SAMD12: variants seen among roughly 807,000 people sequenced by gnomAD.
The protein encoded by SAMD12 is sterile alpha motif domain containing 12, also known as sterile alpha motif domain-containing protein 12.
In SAMD12, 9 loss-of-function variants were observed where a neutral mutation model predicts 15.0. The observed-to-expected ratio is 0.60, with a 90% confidence interval of 0.36 to 1.05. SAMD12 has a LOEUF of 1.05. SAMD12 is among the 50% of genes least tolerant of loss of function. The pLI is 0.01. For missense variants in SAMD12, 230 were observed against 234.2 expected (o/e 0.98, Z 0.12); for synonymous variants, 86 against 90.1 (o/e 0.96, Z 0.25).
At chr8:118,316,431 G>A (rs1815907559) in intron 4 of SAMD12, among the ~76,000 whole-genome samples, 5 of 151,506 alleles carry the variant, frequency 3.3e-5, no homozygotes, top group Admixed American at 2.6e-4. Context: ...AGCTACTTGG[G>A]AGGCTGAGGC....
At chr8:118,391,001 T>C (rs1034003696) in intron 3 of SAMD12, among the ~76,000 whole-genome samples, 3 of 152,340 alleles carry the variant, frequency 2.0e-5, no homozygotes, top group Admixed American at 6.5e-5. Flanking sequence ...ACAGTGCTTT[T>C]CAAACAGAAA....
intron 2 of SAMD12, among the ~76,000 whole-genome samples, chr8:118,526,445 G>A (rs1825539791): frequency 6.6e-6 from 1 of 152,020 alleles, no homozygotes; most frequent in East Asian, 1.9e-4. Context: ...TTCTGCTTTG[G>A]TAGCTCTGGG....
intron 1 of SAMD12, among the ~76,000 whole-genome samples, chr8:118,614,583 A>G (rs1301310766): frequency 6.6e-6 from 1 of 152,196 alleles, no homozygotes; most frequent in Non-Finnish European, 1.5e-5. Flanking sequence ...CCCATAGCCA[A>G]TCCACAAACA....
At chr8:118,417,089 T>C (rs549907174) in intron 3 of SAMD12, among the ~76,000 whole-genome samples, 1 of 152,094 alleles carries the variant, frequency 6.6e-6, no homozygotes, top group South Asian at 2.1e-4. Flanking sequence ...TTTTGTTTTT[T>C]GTTTTTTGGT....
chr8:118,385,675 C>T (rs1359220942), intron 3 of SAMD12, among the ~76,000 whole-genome samples: 2 of 152,134 alleles, frequency 1.3e-5, no homozygotes, highest in African/African-American at 4.8e-5. Context: ...TGCCCTGTTA[C>T]CCCCAGGATT....
At chr8:118,412,385 A>G (rs376468123) in intron 3 of SAMD12, among the ~76,000 whole-genome samples, 6 of 152,276 alleles carry the variant, frequency 3.9e-5, no homozygotes, top group Admixed American at 1.3e-4. Flanking sequence ...TAATGAGATG[A>G]GTCTTGGGGT....
chr8:118,414,379 A>G (rs532814498), intron 3 of SAMD12, among the ~76,000 whole-genome samples: 30 of 126,668 alleles, frequency 2.4e-4, no homozygotes, highest in Non-Finnish European at 3.8e-5. Flanking sequence ...ACAATGTACC[A>G]CATCTAATTT....
At chr8:118,322,828 T>C (rs184033726) in intron 4 of SAMD12, among the ~76,000 whole-genome samples, 36 of 152,274 alleles carry the variant, frequency 2.4e-4, no homozygotes, top group East Asian at 2.1e-3. Context: ...AGTCAACCTC[T>C]CTGAGCCTTA....
At position 118,365,636 on chromosome 8, in the gene SAMD12, G is replaced by A. The variant is rs575000137; in HGVS notation, c.433+13924C>T. 3.9e-5 allele frequency among the ~76,000 whole-genome samples: 6 copies of A among 152,106 alleles called. No homozygotes were observed. The South Asian group carries it at 1.0e-3, about 26-fold the overall frequency. Reference sequence around the variant, plus strand: ...ACCAGCTTTCCCGGTTCTTCCGCTTGTAGATGGCAGATCGTGGGACTTCTC... The same window carrying A: ...ACCAGCTTTCCCGGTTCTTCCGCTTATAGATGGCAGATCGTGGGACTTCTC... On this transcript the variant is annotated intron_variant, in intron 4 of 4. Transcript: ENST00000409003.
At chr8:118,186,944 A>G (rs1819252538), downstream of SAMD12, among the ~76,000 whole-genome samples, 2 of 152,298 alleles carry the variant, frequency 1.3e-5, no homozygotes, top group Admixed American at 6.5e-5. Context: ...ATCTCCACCC[A>G]CACACTCGGT....
intron 4 of SAMD12, among the ~76,000 whole-genome samples, chr8:118,198,267 TAGAG>T (rs1213351829): frequency 6.6e-6 from 1 of 152,174 alleles, no homozygotes; most frequent in African/African-American, 2.4e-5. Context: ...AGAGACTAGA[TAGAG>T]AAAGTCATTA....
intron 2 of SAMD12, among the ~76,000 whole-genome samples, chr8:118,524,722 T>C (rs569470394): frequency 1.1e-4 from 16 of 152,316 alleles, no homozygotes; most frequent in African/African-American, 3.8e-4. Flanking sequence ...TGACAGTTAA[T>C]AACCGACCTT....
At chr8:118,164,975 A>ATGTGTGTG in the SAMD12 span, among the ~76,000 whole-genome samples, 1,518 of 144,218 alleles carry the variant, frequency 0.011, 31 homozygotes, top group East Asian at 0.06. Context: ...CTGACACTAG[A>ATGTGTGTG]TGTGTGTGTG....
intron 4 of SAMD12, among the ~76,000 whole-genome samples, chr8:118,238,442 A>G (rs1434644811): frequency 6.6e-6 from 1 of 152,122 alleles, no homozygotes; most frequent in Non-Finnish European, 1.5e-5. Flanking sequence ...TATTATGTGG[A>G]TAAGACCCTT....
chr8:118,324,604 T>C (rs1816473626), intron 4 of SAMD12, among the ~76,000 whole-genome samples: 1 of 152,156 alleles, frequency 6.6e-6, no homozygotes. Context: ...AAGAAGATAT[T>C]GCTGTGAACT....
exon 5 of SAMD12, chr8:118,194,501 G>A (rs1472512650): frequency 1.3e-5 from 2 of 152,038 alleles, no homozygotes; most frequent in East Asian, 1.9e-4. Context: ...GAATCCCCTT[G>A]GCACCATGGA....
chr8:118,233,993 T>C (rs953880292), intron 4 of SAMD12, among the ~76,000 whole-genome samples: 2 of 152,202 alleles, frequency 1.3e-5, no homozygotes, highest in East Asian at 3.9e-4. Context: ...TTGGCTCACC[T>C]TTGGGACAAA....
intron 4 of SAMD12, among the ~76,000 whole-genome samples, chr8:118,320,567 T>A (rs1004620748): frequency 4.3e-5 from 6 of 140,638 alleles, no homozygotes; most frequent in East Asian, 2.1e-4. Flanking sequence ...AATAGTTTTT[T>A]AAAAAAACCA....
At chr8:118,535,916 C>G (rs1324528526) in intron 2 of SAMD12, among the ~76,000 whole-genome samples, 1 of 152,158 alleles carries the variant, frequency 6.6e-6, no homozygotes, top group African/African-American at 2.4e-5. Context: ...AATTCCTTGC[C>G]CTGCTTCAGC....
Sources: gnomAD v4.1 joint callset for allele counts (sites outside exome capture counted in the v4.1 genomes callset) on GRCh38, gnomAD v4.1.1 for gene constraint, MANE v1.5 for transcripts, NCBI Gene and HGNC (gene_info 2026-07-23, HGNC 2026-07-21) for gene names.